The following ST6GAL2 variants were observed in gnomAD, a reference collection of about 807,000 sequenced individuals.
ST6GAL2 encodes ST6 beta-galactoside alpha-2,6-sialyltransferase 2, also known as beta-galactoside alpha-2,6-sialyltransferase 2.
Under a neutral mutation model 37.5 loss-of-function variants are expected in ST6GAL2, and 24 were observed. That is an observed-to-expected ratio of 0.64 (90% CI 0.46 to 0.90). ST6GAL2 has a LOEUF of 0.90. Among genes scored for constraint, ST6GAL2 ranks in the 40% least tolerant of loss-of-function variants. The probability of loss-of-function intolerance (pLI) is 0.00; values close to 1 mark genes in which losing one functional copy is unlikely to be tolerated. For synonymous variants in ST6GAL2, 306 were observed against 295.1 expected, an observed-to-expected ratio of 1.04 and a Z score of -0.38; for missense variants, 715 against 712.7, an observed-to-expected ratio of 1.00 and a Z score of -0.04.
intron 1 of ST6GAL2, among the ~76,000 whole-genome samples, chr2:106,873,233 G>A (rs1031693449): frequency 6.6e-6 from 1 of 152,162 alleles, no homozygotes; most frequent in Admixed American, 6.5e-5. Context: ...ACAGGTAGGG[G>A]ACAGCACAGC....
intron 1 of ST6GAL2, among the ~76,000 whole-genome samples, chr2:106,860,950 C>A (rs948315930): frequency 6.6e-6 from 1 of 152,048 alleles, no homozygotes; most frequent in African/African-American, 2.4e-5. Context: ...TGATTGACTG[C>A]ACAAAACTTT....
chr2:106,809,262 G>A (rs1436509640), intron 5 of ST6GAL2, among the ~76,000 whole-genome samples: 2 of 152,172 alleles, frequency 1.3e-5, no homozygotes, highest in East Asian at 1.9e-4. Flanking sequence ...ACTTCATCAC[G>A]GGCATCATTA....
chr2:106,807,153 A>T (rs1360907211), intron 5 of ST6GAL2, among the ~76,000 whole-genome samples: 1 of 151,712 alleles, frequency 6.6e-6, no homozygotes, highest in Admixed American at 6.6e-5. Flanking sequence ...AAAATGTAAC[A>T]CTATATATAT....
At position 106,806,892 on chromosome 2, in the gene ST6GAL2, G is replaced by C; in HGVS notation, c.1376C>G (p.Ser459Cys). The C allele has an allele frequency of 1.9e-6, 3 of 1,614,184 alleles. No individual in the cohort carries two copies. The highest frequency in any genetic ancestry group is 2.5e-6 in the Non-Finnish European group (3 of 1,180,040). ...REVHVYEYIP[S>C]VRQTELCHYH... ...GTGGCACAGCTCCGTCTGCCGCACG[G>C]ATGGGATATATTCATACACGTGCAC... is the stretch of plus-strand genomic sequence containing the variant. The change falls in exon 6 of 6, where the codon TCC becomes TGC. Residue 459 changes from serine to cysteine, a missense_variant. Physicochemically the swap from Ser to Cys is moderately radical, Grantham distance 112. This residue lies in a region of ST6GAL2 where 198 missense variants were observed against 203.6 expected (regional missense o/e 0.97). Coordinates refer to ENST00000409382, the MANE Select transcript of ST6GAL2 (RefSeq NM_001142351.2).
intron 1 of ST6GAL2, among the ~76,000 whole-genome samples, chr2:106,876,836 G>A (rs148660271): frequency 2.2e-4 from 34 of 152,284 alleles, no homozygotes; most frequent in African/African-American, 6.5e-4. Context: ...CATAAAAGCC[G>A]GAGTAAACCT....
intron 5 of ST6GAL2, among the ~76,000 whole-genome samples, chr2:106,811,200 G>C (rs1022439290): frequency 6.6e-6 from 1 of 152,018 alleles, no homozygotes; most frequent in Non-Finnish European, 1.5e-5. Flanking sequence ...AAAATTATTA[G>C]TATTAAATTT....
chr2:106,820,368 T>C (rs1331967932), intron 5 of ST6GAL2, among the ~76,000 whole-genome samples: 1 of 151,302 alleles, frequency 6.6e-6, no homozygotes, highest in Non-Finnish European at 1.5e-5. Flanking sequence ...CAAAAACCTA[T>C]AAAAAAAAGA....
intron 1 of ST6GAL2, among the ~76,000 whole-genome samples, chr2:106,878,459 G>A (rs185921662): frequency 6.6e-6 from 1 of 152,154 alleles, no homozygotes; most frequent in East Asian, 1.9e-4. Context: ...GTGAGACCCT[G>A]ATTGTAAAAG....
At chr2:106,820,079 A>G (rs1355506053) in intron 5 of ST6GAL2, among the ~76,000 whole-genome samples, 2 of 152,056 alleles carry the variant, frequency 1.3e-5, no homozygotes, top group Non-Finnish European at 2.9e-5. Flanking sequence ...CTGCAAAAGA[A>G]TCAGAAAACA....
intron 1 of ST6GAL2, among the ~76,000 whole-genome samples, chr2:106,882,377 G>A (rs986538148): frequency 1.3e-5 from 2 of 152,166 alleles, no homozygotes; most frequent in African/African-American, 4.8e-5. Flanking sequence ...ACCTTCCTGA[G>A]GTTCAGTCTT....
At chr2:106,813,909 C>G (rs1215736722) in intron 5 of ST6GAL2, among the ~76,000 whole-genome samples, 1 of 152,186 alleles carries the variant, frequency 6.6e-6, no homozygotes, top group East Asian at 1.9e-4. Flanking sequence ...ATATGCCAGA[C>G]TAACAGAACT....
At position 106,802,074 on chromosome 2, in the gene ST6GAL2, T is replaced by C. The variant is rs1223931759; in HGVS notation, c.*4604A>G. 6.6e-6 allele frequency: 1 copy of C among 152,210 alleles called. No homozygotes were observed. Among genetic ancestry groups the C allele is most frequent in the East Asian group, 1.9e-4 (1 of 5,202 alleles). 9.4% of individuals were successfully genotyped at this position (152,210 alleles called of 1,614,324 possible). ...ACTAGGATAAAATATTAAGGTAGTGTTCTACCTTCATAGTGCCTTTTAAAT... is the reference window on the plus strand; with the variant it reads ...ACTAGGATAAAATATTAAGGTAGTGCTCTACCTTCATAGTGCCTTTTAAAT... On this transcript the variant is annotated 3_prime_UTR_variant, in exon 6 of 6. Coordinates refer to ENST00000409382, the MANE Select transcript of ST6GAL2 (RefSeq NM_001142351.2).
At chr2:106,856,138 A>G (rs930651010) in intron 1 of ST6GAL2, among the ~76,000 whole-genome samples, 6 of 152,234 alleles carry the variant, frequency 3.9e-5, no homozygotes, top group African/African-American at 1.4e-4. Context: ...AAAAGAGAAA[A>G]TGCAAATAAA....
At chr2:106,851,903 C>T (rs904862051) in intron 1 of ST6GAL2, among the ~76,000 whole-genome samples, 5 of 152,048 alleles carry the variant, frequency 3.3e-5, no homozygotes, top group South Asian at 2.1e-4. Flanking sequence ...CATTTTCTTT[C>T]GAGAATCATT....
chr2:106,875,751 A>G (rs1481023674), intron 1 of ST6GAL2, among the ~76,000 whole-genome samples: 1 of 152,254 alleles, frequency 6.6e-6, no homozygotes, highest in Non-Finnish European at 1.5e-5. Context: ...ATCTCCTAAG[A>G]GAATCTAATT....
intron 5 of ST6GAL2, among the ~76,000 whole-genome samples, chr2:106,814,548 G>A (rs1189750356): frequency 1.3e-5 from 2 of 151,740 alleles, no homozygotes; most frequent in African/African-American, 4.8e-5. Context: ...AAAAGAATTG[G>A]CAATTGTACC....
intron 1 of ST6GAL2, among the ~76,000 whole-genome samples, chr2:106,882,748 T>G (rs1182485451): frequency 6.6e-6 from 1 of 152,200 alleles, no homozygotes. Context: ...GAAAGTCCAG[T>G]GCAAAACTAC....
intron 1 of ST6GAL2, among the ~76,000 whole-genome samples, chr2:106,883,010 A>C (rs142695735): frequency 6.6e-6 from 1 of 152,216 alleles, no homozygotes; most frequent in Non-Finnish European, 1.5e-5. Context: ...CAAAGTGAAG[A>C]TAATAGTCAC....
At chr2:106,847,357 C>T (rs74417859) in intron 1 of ST6GAL2, among the ~76,000 whole-genome samples, 1,622 of 152,328 alleles carry the variant, frequency 0.011, 34 homozygotes, top group South Asian at 0.079. Context: ...TAATGACCAA[C>T]ATAAAGGTCT....
Sources: gnomAD v4.1 joint callset for allele counts (sites outside exome capture counted in the v4.1 genomes callset) on GRCh38, gnomAD v4.1.1 for gene constraint, gnomAD v4.1.1 regional missense constraint, MANE v1.5 for transcripts, NCBI Gene and HGNC (gene_info 2026-07-23, HGNC 2026-07-21) for gene names.